The following UST variants were observed in gnomAD, a reference collection of about 807,000 sequenced individuals.
The protein encoded by UST is chondroitin sulfate 2-O-sulfotransferase.
UST carries 21 observed loss-of-function variants against 45.6 expected under a neutral mutation model. The observed-to-expected ratio is 0.46, with a 90% CI of 0.33 to 0.66. The LOEUF is 0.66. Among genes scored for constraint, UST ranks in the 30% least tolerant of loss-of-function variants. UST has a pLI of 0.02. For synonymous variants in UST, 215 were observed against 200.6 expected, an observed-to-expected ratio of 1.07 and a Z score of -0.61; for missense variants, 463 against 512.4, an observed-to-expected ratio of 0.90 and a Z score of 0.93.
intron 1 of UST, among the ~76,000 whole-genome samples, chr6:148,750,489 G>T (rs1775969285): frequency 6.6e-6 from 1 of 152,144 alleles, no homozygotes; most frequent in Non-Finnish European, 1.5e-5. Flanking sequence ...TGGAAAAAAT[G>T]AGGGCAAAGA....
At chr6:149,023,146 GTGT>G (rs1457445487) in intron 7 of UST, among the ~76,000 whole-genome samples, 4 of 116,166 alleles carry the variant, frequency 3.4e-5, no homozygotes, top group South Asian at 2.6e-4. Flanking sequence ...GTGTGTGTGT[GTGT>G]GGTGTGGTGT....
At chr6:149,069,408 T>C (rs1190354574) in intron 7 of UST, among the ~76,000 whole-genome samples, 2 of 152,244 alleles carry the variant, frequency 1.3e-5, no homozygotes, top group Non-Finnish European at 2.9e-5. Context: ...GCATCTGTTA[T>C]TTATTGGCTT....
chr6:148,882,231 A>G (rs968830344), intron 1 of UST, among the ~76,000 whole-genome samples: 10 of 152,156 alleles, frequency 6.6e-5, no homozygotes, highest in African/African-American at 9.7e-5. Flanking sequence ...CACACCTGCA[A>G]TCCTAGCACT....
chr6:148,928,724 T>G (rs532335001), intron 2 of UST, among the ~76,000 whole-genome samples: 1 of 152,352 alleles, frequency 6.6e-6, no homozygotes, highest in African/African-American at 2.4e-5. Flanking sequence ...AAGGTATACT[T>G]GTGAAAAGCC....
chr6:148,761,101 G>T (rs116736743), intron 1 of UST, among the ~76,000 whole-genome samples: 1 of 152,216 alleles, frequency 6.6e-6, no homozygotes, highest in Admixed American at 6.5e-5. Context: ...TTCTGAGGGT[G>T]TTAGCAGGAG....
chr6:148,927,649 G>A (rs1779841917), intron 2 of UST, among the ~76,000 whole-genome samples: 1 of 152,088 alleles, frequency 6.6e-6, no homozygotes, highest in Admixed American at 6.6e-5. Flanking sequence ...ACCAAATTAA[G>A]AGCCCTGGGA....
intron 1 of UST, among the ~76,000 whole-genome samples, chr6:148,785,700 A>G (rs1776721975): frequency 6.6e-6 from 1 of 152,248 alleles, no homozygotes; most frequent in African/African-American, 2.4e-5. Flanking sequence ...CGTTTGGATG[A>G]GATTTCAAGA....
At chr6:149,037,242 C>T (rs1017748976) in intron 7 of UST, among the ~76,000 whole-genome samples, 5 of 152,178 alleles carry the variant, frequency 3.3e-5, no homozygotes, top group Non-Finnish European at 5.9e-5. Flanking sequence ...CGAATGCAAA[C>T]AAAAGCCAGC....
chr6:149,036,897 T>A (rs1776246710), intron 7 of UST, among the ~76,000 whole-genome samples: 1 of 152,214 alleles, frequency 6.6e-6, no homozygotes, highest in South Asian at 2.1e-4. Flanking sequence ...ACTGGAGGTT[T>A]CTTGTGGGAG....
rs547747282 is a variant in UST, at chr6:149,050,060, T to C, written c.938-23773T>C. Among the ~76,000 whole-genome samples the C allele has an allele frequency of 2.2e-4, 33 of 152,298 alleles. No individual in the cohort carries two copies. In the South Asian group the frequency reaches 6.2e-3, roughly 29 times the overall value. On this transcript the variant is annotated intron_variant, in intron 7 of 7. Transcript: ENST00000367463. Reference sequence around the variant, plus strand: ...TATAATTCTGTACTTAACTCTTTAATAATCTTGACATTTTATCTACCATAT... The same window carrying C: ...TATAATTCTGTACTTAACTCTTTAACAATCTTGACATTTTATCTACCATAT...
intron 3 of UST, among the ~76,000 whole-genome samples, chr6:148,944,711 T>C (rs893514474): frequency 6.6e-5 from 10 of 152,182 alleles, no homozygotes; most frequent in Non-Finnish European, 1.0e-4. Flanking sequence ...TTGGGAAATA[T>C]CACCTCAACA....
Position 148,867,394 on chromosome 6 carries a change from C to T in UST, c.248-19592C>T, listed in dbSNP as rs144730769. ...TTTGTAAAATTCTGTGCTATAGCACCGACTCTTTATAAAGAGTCATACCCA... is the reference window on the plus strand; with the variant it reads ...TTTGTAAAATTCTGTGCTATAGCACTGACTCTTTATAAAGAGTCATACCCA... On this transcript the variant is annotated intron_variant, in intron 1 of 7. Transcript: ENST00000367463. Among the ~76,000 whole-genome samples, 611 of 151,368 alleles carry T rather than the reference C, an allele frequency of 4.0e-3. 4 individuals carry two copies. Among genetic ancestry groups the T allele is most frequent in the African/African-American group, 0.014 (573 of 41,216 alleles).
intron 3 of UST, among the ~76,000 whole-genome samples, chr6:148,951,623 T>C (rs969365925): frequency 1.3e-5 from 2 of 152,032 alleles, no homozygotes; most frequent in Non-Finnish European, 2.9e-5. Flanking sequence ...CTGCTGGCCA[T>C]GGGGGGAGGA....
chr6:149,034,737 G>A (rs1776204152), intron 7 of UST, among the ~76,000 whole-genome samples: 1 of 152,074 alleles, frequency 6.6e-6, no homozygotes, highest in East Asian at 1.9e-4. Flanking sequence ...CATGAAAGGT[G>A]CATGGGAGGG....
At chr6:148,791,200 C>T (rs1321414888) in intron 1 of UST, among the ~76,000 whole-genome samples, 1 of 152,186 alleles carries the variant, frequency 6.6e-6, no homozygotes. Flanking sequence ...AGCGTTGTTG[C>T]TAAATGTCCT....
chr6:148,769,831 C>T (rs1033757400), intron 1 of UST, among the ~76,000 whole-genome samples: 2 of 150,774 alleles, frequency 1.3e-5, no homozygotes, highest in African/African-American at 4.9e-5. Flanking sequence ...CATTCACAAA[C>T]AGTGGTTGTT....
intron 1 of UST, among the ~76,000 whole-genome samples, chr6:148,848,327 G>A (rs1562276059): frequency 6.6e-6 from 1 of 152,048 alleles, no homozygotes; most frequent in Admixed American, 6.6e-5. Flanking sequence ...AAAATTCAAT[G>A]TTTTTTCCCG....
intron 1 of UST, among the ~76,000 whole-genome samples, chr6:148,849,096 G>A (rs1778054665): frequency 6.6e-6 from 1 of 152,162 alleles, no homozygotes; most frequent in African/African-American, 2.4e-5. Flanking sequence ...GGCTCTGGAT[G>A]AGTGGGCGGT....
Position 149,033,656 on chromosome 6 carries a change from G to A in UST, c.937+12175G>A, listed in dbSNP as rs34361211. 3.4e-3 allele frequency among the ~76,000 whole-genome samples: 519 copies of A among 152,216 alleles called. 1 individual carries two copies. Among genetic ancestry groups the A allele is most frequent in the Admixed American group, 6.1e-3 (94 of 15,294 alleles). ...AAGAGAGGGTTGTTTGTCAGGTGGGGTAGTTTCACTTGACTTGAAGGTCTC... is the reference window on the plus strand; with the variant it reads ...AAGAGAGGGTTGTTTGTCAGGTGGGATAGTTTCACTTGACTTGAAGGTCTC... On this transcript the variant is annotated intron_variant, in intron 7 of 7. Coordinates refer to ENST00000367463, the MANE Select transcript of UST (RefSeq NM_005715.3).
Sources: allele counts gnomAD v4.1 joint callset (sites outside exome capture counted in the v4.1 genomes callset), GRCh38; gene constraint gnomAD v4.1.1; transcripts MANE v1.5; gene names NCBI Gene and HGNC (gene_info 2026-07-23, HGNC 2026-07-21).